The following ZNF471 variants were observed in gnomAD, a reference collection of about 807,000 sequenced individuals.
The protein encoded by ZNF471 is zinc finger protein 471.
A neutral mutation model predicts 13.7 loss-of-function variants in ZNF471; 7 were observed. The ratio of observed to expected loss-of-function variants is 0.51; its 90% CI spans 0.29 to 0.96. ZNF471 has a LOEUF of 0.96. ZNF471 is among the 40% of genes least tolerant of loss of function. ZNF471 has a pLI of 0.08. For missense variants in ZNF471, 663 were observed against 743.3 expected (o/e 0.89, Z 1.26); for synonymous variants, 218 against 235.6 (o/e 0.93, Z 0.68).
rs2044078065 is a variant in ZNF471 at position 56,528,885 on chromosome 19, G to A, written c.*2937G>A. The stretch of plus-strand genomic sequence containing the variant: ...GATTTATTCTAACCTTCCAAGTAAA[G>A]TTGTTCCACTAGTAAAGTTGTTCTG... On this transcript the variant is annotated 3_prime_UTR_variant, in exon 5 of 5. Coordinates refer to ENST00000308031, the MANE Select transcript of ZNF471 (RefSeq NM_020813.4). 1 of 151,696 alleles carries A rather than the reference G, an allele frequency of 6.6e-6. No individual in the cohort carries two copies. The highest frequency in any genetic ancestry group is 2.4e-5 in the African/African-American group (1 of 41,256). 9.4% of individuals were successfully genotyped at this position (151,696 alleles called of 1,614,324 possible).
At position 56,525,110 on chromosome 19, in the gene ZNF471, G is replaced by A. The variant is rs201718266; in HGVS notation, c.1043G>A (p.Cys348Tyr). The A allele has an allele frequency of 6.2e-7, 1 of 1,614,128 alleles. No individual in the cohort carries two copies. Among genetic ancestry groups the A allele is most frequent in the East Asian group, 2.2e-5 (1 of 44,868 alleles). ...CACACTGGCAAAAGACCCTATGAATGTATTGAGTGTGGGAAGGCTTTTAGG... is the reference window on the plus strand; with the variant it reads ...CACACTGGCAAAAGACCCTATGAATATATTGAGTGTGGGAAGGCTTTTAGG... Reference protein sequence around the residue: ...RCHTGKRPYECIECGKAFRYN... With the variant: ...RCHTGKRPYEYIECGKAFRYN... Residue 348 changes from cysteine (C) to tyrosine (Y), a missense_variant, in exon 5 of 5, where the codon TGT becomes TAT. Cys to Tyr is a radical substitution (Grantham distance 194). Coordinates refer to ENST00000308031, the MANE Select transcript of ZNF471 (RefSeq NM_020813.4).
In ZNF471 at chr19:56,510,365, A is replaced by G. The variant is rs1411176154; in HGVS notation, c.-55-1152A>G. 2.0e-6 allele frequency: 2 copies of G among 985,426 alleles called. No individual in the cohort carries two copies. The highest frequency in any genetic ancestry group is 2.4e-6 in the Non-Finnish European group (2 of 829,996). 61.0% of individuals were successfully genotyped at this position (985,426 alleles called of 1,614,324 possible). A position where few individuals can be genotyped will look rare whatever the true frequency, so the allele number is the denominator to read the frequency against. ...TGATGTGGTTGTGTGAGAGACCAAA[A>G]TGGGTGAGAAAGAAACTATGTGAAC... On this transcript the variant is annotated intron_variant, in intron 1 of 4. Transcript: ENST00000308031. This position sits in a 1 kb window ranked among gnomAD's most constrained non-coding sequence, Gnocchi z 4.3.
rs1310167155 is a variant in ZNF471, at chr19:56,524,756, G to T, written c.689G>T (p.Gly230Val). 6.2e-7 allele frequency: 1 copy of T among 1,610,698 alleles called. No individual in the cohort carries two copies. The highest frequency in any genetic ancestry group is 1.1e-5 in the South Asian group (1 of 90,094). ...ACTGTTCATTTTAGAATTCATACTG[G>T]TGAAAAACCATATGCATGTGAGGAA... The part of the protein sequence containing the change: ...SLTVHFRIHT[G>V]EKPYACEECG... Residue 230 changes from glycine (G) to valine (V), a missense_variant, in exon 5 of 5, where the codon GGT (glycine) becomes GTT (valine). Coordinates refer to ENST00000308031, the MANE Select transcript of ZNF471 (RefSeq NM_020813.4). This position sits in a 1 kb window ranked among gnomAD's most constrained non-coding sequence, Gnocchi z 4.8.
chr19:56,509,006 A>G (rs555722890), intron 1 of ZNF471, among the ~76,000 whole-genome samples: 5 of 152,324 alleles, frequency 3.3e-5, no homozygotes, highest in African/African-American at 1.2e-4. Flanking sequence ...AGTATAGGAC[A>G]AAGTTATGTT....
rs574263129 is a variant in ZNF471 at position 56,512,087 on chromosome 19, A to G, written c.33+483A>G. Among the ~76,000 whole-genome samples, 35 of 152,034 alleles carry G rather than the reference A, an allele frequency of 2.3e-4. 1 individual carries two copies. Among genetic ancestry groups the G allele is most frequent in the Admixed American group, 1.2e-3 (18 of 15,250 alleles). ...ATTACCAACCTCATTCGTTCACCTG[A>G]AAAATCTTATTCTACTTAATTTTTG... is the stretch of plus-strand genomic sequence containing the variant. On this transcript the variant is annotated intron_variant, in intron 2 of 4. Coordinates refer to ENST00000308031, the MANE Select transcript of ZNF471 (RefSeq NM_020813.4).
In ZNF471 at chr19:56,510,490, G is replaced by A. The variant is rs1384037755; in HGVS notation, c.-55-1027G>A. The A allele has an allele frequency of 5.1e-6, 5 of 985,686 alleles. No homozygotes were observed. In the African/African-American group the frequency reaches 7.0e-5, roughly 14 times the overall value. 61.1% of individuals were successfully genotyped at this position (985,686 alleles called of 1,614,324 possible). ...AGAGATAAGGGACAGTGAGCTGTGT[G>A]TGTGAGAGAAGTAAGATTGGGGGTA... is the stretch of plus-strand genomic sequence containing the variant. On this transcript the variant is annotated intron_variant, in intron 1 of 4. Coordinates refer to ENST00000308031, the MANE Select transcript of ZNF471 (RefSeq NM_020813.4). This position sits in a 1 kb window ranked among gnomAD's most constrained non-coding sequence, Gnocchi z 4.3.
In ZNF471 at chr19:56,510,531, G is replaced by C. The variant is rs1226100626; in HGVS notation, c.-55-986G>C. The C allele has an allele frequency of 1.0e-6, 1 of 985,594 alleles. No individual in the cohort carries two copies. The highest frequency in any genetic ancestry group is 1.2e-6 in the Non-Finnish European group (1 of 830,004). The allele number at this position is 985,594 out of a possible 1,614,324, so 61.1% of individuals were successfully genotyped here. ...ATTGGGGGTATGTGTGAAGGTGTTG[G>C]TGAATCACCACGTGTGCTTATATTC... On this transcript the variant is annotated intron_variant, in intron 1 of 4. Coordinates refer to ENST00000308031, the MANE Select transcript of ZNF471 (RefSeq NM_020813.4). The surrounding 1 kb of genome is among the most constrained non-coding windows in gnomAD (Gnocchi z 4.3).
rs1197479447 is a variant in ZNF471, at chr19:56,525,863, A to G, written c.1796A>G (p.Tyr599Cys). ...AGACTCCACACTGGCCAAAGGCCCT[A>G]TCAGTGTTTTGAATGTGGGAAGGCG... ...HQRLHTGQRP[Y>C]QCFECGKAFR... Residue 599 changes from tyrosine to cysteine, a missense_variant, in exon 5 of 5, where the codon TAT becomes TGT. By Grantham distance (194) the Tyr-to-Cys change is radical. Transcript: ENST00000308031. 2.8e-5 allele frequency: 45 copies of G among 1,608,008 alleles called. No individual in the cohort carries two copies. The highest frequency in any genetic ancestry group is 3.8e-5 in the Non-Finnish European group (45 of 1,178,444).
intron 2 of ZNF471, among the ~76,000 whole-genome samples, chr19:56,513,093 C>T (rs1477880858): frequency 6.6e-6 from 1 of 152,154 alleles, no homozygotes; most frequent in African/African-American, 2.4e-5. Context: ...GCACCATACA[C>T]AACAGAATTA....
chr19:56,528,595 TTAA>T lies in ZNF471; in HGVS notation c.*2650_*2652del, dbSNP rs1448261783. On this transcript the variant is annotated 3_prime_UTR_variant, in exon 5 of 5. Coordinates refer to ENST00000308031, the MANE Select transcript of ZNF471 (RefSeq NM_020813.4). ...TTAGCACATGTAGTATGCTTAACAT[TTAA>T]TATTATAATAAGACATCACAGCGGC... is the stretch of plus-strand genomic sequence containing the variant. The T allele has an allele frequency of 6.6e-6, 1 of 152,170 alleles. No homozygotes were observed. The highest frequency in any genetic ancestry group is 2.4e-5 in the African/African-American group (1 of 41,446). 9.4% of individuals were successfully genotyped at this position (152,170 alleles called of 1,614,324 possible). A position where few individuals can be genotyped will look rare whatever the true frequency, so the allele number is the denominator to read the frequency against.
Position 56,524,960 on chromosome 19 carries a change from C to G in ZNF471, c.893C>G (p.Ala298Gly). ...KPYKCKECRKAFRQPAHLAQH... is the reference protein window; with the variant it reads ...KPYKCKECRKGFRQPAHLAQH... ...TATAAATGTAAGGAATGCAGAAAAG[C>G]CTTCAGACAGCCTGCACACCTTGCT... Residue 298 changes from alanine to glycine, a missense_variant, in exon 5 of 5, where the codon GCC becomes GGC. Transcript: ENST00000308031. The surrounding 1 kb of genome is among the most constrained non-coding windows in gnomAD (Gnocchi z 4.8). The G allele has an allele frequency of 6.2e-7, 1 of 1,614,070 alleles. No individual in the cohort carries two copies. Among genetic ancestry groups the G allele is most frequent in the Non-Finnish European group, 8.5e-7 (1 of 1,180,014 alleles).
rs779127225 is a variant in ZNF471, at chr19:56,524,514, TAAAG to T, written c.451_454del (p.Glu151ProfsTer22). On this transcript the variant is annotated frameshift_variant, in exon 5 of 5. Coordinates refer to ENST00000308031, the MANE Select transcript of ZNF471 (RefSeq NM_020813.4). LOFTEE classifies it low-confidence loss of function (END_TRUNC). The surrounding 1 kb of genome is among the most constrained non-coding windows in gnomAD (Gnocchi z 4.8). ...TTAGCAAGAAAGAAATAATCACTCA[TAAAG>T]AAACCATCACTAAGGAAACAGAATT... The T allele has an allele frequency of 3.7e-6, 6 of 1,604,948 alleles. No homozygotes were observed. The highest frequency in any genetic ancestry group is 1.1e-5 in the South Asian group (1 of 88,548).
At chr19:56,514,260 C>T (rs142665195) in intron 2 of ZNF471, among the ~76,000 whole-genome samples, 130 of 151,898 alleles carry the variant, frequency 8.6e-4, no homozygotes, top group African/African-American at 3.0e-3. Flanking sequence ...TGGGGTTTTG[C>T]CATGTTGTCC....
In ZNF471 at chr19:56,524,970, G is replaced by C. The variant is rs759000024; in HGVS notation, c.903G>C (p.Gln301His). Reference protein sequence around the residue: ...KCKECRKAFRQPAHLAQHQRI... With the variant: ...KCKECRKAFRHPAHLAQHQRI... ...AGGAATGCAGAAAAGCCTTCAGACAGCCTGCACACCTTGCTCAGCATCAGA... is the reference window on the plus strand; with the variant it reads ...AGGAATGCAGAAAAGCCTTCAGACACCCTGCACACCTTGCTCAGCATCAGA... Residue 301 changes from glutamine to histidine, a missense_variant, in exon 5 of 5, where the codon CAG becomes CAC. Physicochemically the swap from Gln to His is conservative, Grantham distance 24 (BLOSUM62 0). Coordinates refer to ENST00000308031, the MANE Select transcript of ZNF471 (RefSeq NM_020813.4). The surrounding 1 kb of genome is among the most constrained non-coding windows in gnomAD (Gnocchi z 4.8). 3.1e-6 allele frequency: 5 copies of C among 1,614,132 alleles called. No homozygotes were observed. The highest frequency in any genetic ancestry group is 4.2e-6 in the Non-Finnish European group (5 of 1,180,026).
In ZNF471 at chr19:56,525,323, C is replaced by T. The variant is rs1303597984; in HGVS notation, c.1256C>T (p.Thr419Ile). The change falls in exon 5 of 5, where the codon ACT (threonine) becomes ATT (isoleucine). Residue 419 changes from threonine (T) to isoleucine (I), a missense_variant. By Grantham distance (89) the Thr-to-Ile change is moderately conservative. Transcript: ENST00000308031. Reference protein sequence around the residue: ...GKTFSSGSSRTVHQRIHTGEK... With the variant: ...GKTFSSGSSRIVHQRIHTGEK... Reference sequence around the variant, plus strand: ...ACCTTCAGCTCGGGTTCATCCCGTACTGTACATCAGAGAATTCATACAGGA... The same window carrying T: ...ACCTTCAGCTCGGGTTCATCCCGTATTGTACATCAGAGAATTCATACAGGA... The T allele has an allele frequency of 6.8e-6, 11 of 1,612,672 alleles. No homozygotes were observed. The highest frequency in any genetic ancestry group is 9.3e-6 in the Non-Finnish European group (11 of 1,179,152).
chr19:56,515,100 A>C (rs1790109488), intron 2 of ZNF471, among the ~76,000 whole-genome samples: 1 of 152,178 alleles, frequency 6.6e-6, no homozygotes, highest in African/African-American at 2.4e-5. Flanking sequence ...CACTACATAT[A>C]CATGCATACA....
Position 56,524,406 on chromosome 19 carries a change from C to A in ZNF471, c.339C>A (p.Ser113Arg), listed in dbSNP as rs760949533. 3 of 1,613,182 alleles carry A rather than the reference C, an allele frequency of 1.9e-6. No homozygotes were observed. The highest frequency in any genetic ancestry group is 4.5e-5 in the East Asian group (2 of 44,834). Residue 113 changes from serine to arginine, a missense_variant, in exon 5 of 5, where the codon AGC (serine) becomes AGA (arginine). Transcript: ENST00000308031. The surrounding 1 kb of genome is among the most constrained non-coding windows in gnomAD (Gnocchi z 4.8). Reference protein sequence around the residue: ...YDDACMEGITSYGLECSTFEE... With the variant: ...YDDACMEGITRYGLECSTFEE... ...ATGCATGCATGGAGGGAATTACTAG[C>A]TATGGACTTGAGTGTTCCACTTTTG...
rs191553627 is a variant in ZNF471, at chr19:56,515,897, C to G, written c.34-378C>G. Reference sequence around the variant, plus strand: ...TTTTTATTATTTAAGAAAAAAAAATCAGCTACATTAGTTCAATGCCTTTCT... The same window carrying G: ...TTTTTATTATTTAAGAAAAAAAAATGAGCTACATTAGTTCAATGCCTTTCT... On this transcript the variant is annotated intron_variant, in intron 2 of 4. Coordinates refer to ENST00000308031, the MANE Select transcript of ZNF471 (RefSeq NM_020813.4). 6.7e-4 allele frequency among the ~76,000 whole-genome samples: 102 copies of G among 152,218 alleles called. No homozygotes were observed. In the East Asian group the frequency reaches 0.013, roughly 19 times the overall value.
At chr19:56,509,557 AT>A (rs2043780684) in intron 1 of ZNF471, among the ~76,000 whole-genome samples, 1 of 152,162 alleles carries the variant, frequency 6.6e-6, no homozygotes, top group South Asian at 2.1e-4. Context: ...GTGGGGAGCA[AT>A]TTTGTAGGGC....
Sources: gnomAD v4.1 joint callset for allele counts (sites outside exome capture counted in the v4.1 genomes callset) on GRCh38, gnomAD v4.1.1 for gene constraint, Gnocchi (gnomAD v3.1) non-coding constraint, MANE v1.5 for transcripts, NCBI Gene and HGNC (gene_info 2026-07-23, HGNC 2026-07-21) for gene names.